GRIA4: variants seen among roughly 807,000 people sequenced by gnomAD.
The protein encoded by GRIA4 is glutamate ionotropic receptor AMPA type subunit 4.
In GRIA4, 34 loss-of-function variants were observed where a neutral mutation model predicts 104.0. The observed-to-expected ratio is 0.33, with a 90% CI of 0.25 to 0.44. The LOEUF (loss-of-function observed/expected upper bound fraction) is 0.44, where lower values mean the gene tolerates loss of function less well. GRIA4 is among the 20% of genes least tolerant of loss of function. The pLI is 1.00. For synonymous variants in GRIA4, 386 were observed against 381.9 expected, an observed-to-expected ratio of 1.01 and a Z score of -0.13; for missense variants, 750 against 1,096.5, an observed-to-expected ratio of 0.68 and a Z score of 4.46.
chr11:105,907,723 A>G (rs2136155398), intron 9 of GRIA4, among the ~76,000 whole-genome samples: 1 of 152,316 alleles, frequency 6.6e-6, no homozygotes, highest in Non-Finnish European at 1.5e-5. Context: ...AGAGCACATT[A>G]TATGCCACAC....
At position 105,708,271 on chromosome 11, in the gene GRIA4, A is replaced by C. The variant is rs142330996; in HGVS notation, c.248-44710A>C. On this transcript the variant is annotated intron_variant, in intron 3 of 16. Coordinates refer to ENST00000282499, the MANE Select transcript of GRIA4 (RefSeq NM_000829.4). ...TATACATTCATCCACTCATCTCTTC[A>C]AAACAAATACCAGAAACAAATGAGA... 5.0e-3 allele frequency among the ~76,000 whole-genome samples: 759 copies of C among 152,244 alleles called. 16 individuals are homozygous for C. The highest frequency in any genetic ancestry group is 0.017 in the African/African-American group (708 of 41,562).
At chr11:105,780,746 T>C (rs1280264864) in intron 4 of GRIA4, among the ~76,000 whole-genome samples, 2 of 152,118 alleles carry the variant, frequency 1.3e-5, no homozygotes, top group Non-Finnish European at 2.9e-5. Context: ...GAAAGAAAAA[T>C]AATCGTAACC....
At chr11:105,868,404 T>C (rs964164163) in intron 5 of GRIA4, among the ~76,000 whole-genome samples, 3 of 152,186 alleles carry the variant, frequency 2.0e-5, no homozygotes, top group Non-Finnish European at 4.4e-5. Context: ...TTTAGTTGTC[T>C]ATCTTTCCTA....
At chr11:105,627,108 G>A (rs935187101) in intron 3 of GRIA4, among the ~76,000 whole-genome samples, 4 of 152,176 alleles carry the variant, frequency 2.6e-5, no homozygotes, top group African/African-American at 9.7e-5. Context: ...CATAGGTGTT[G>A]GGGGGAAATT....
chr11:105,936,417 T>A (rs1196409495), intron 14 of GRIA4, among the ~76,000 whole-genome samples: 1 of 152,138 alleles, frequency 6.6e-6, no homozygotes, highest in African/African-American at 2.4e-5. Flanking sequence ...TTTAATCAGG[T>A]CTTTAGGTTA....
chr11:105,854,443 A>G (rs909636993), intron 4 of GRIA4, among the ~76,000 whole-genome samples: 1 of 152,106 alleles, frequency 6.6e-6, no homozygotes, highest in Non-Finnish European at 1.5e-5. Context: ...AGAGCAAGAG[A>G]GCAGTGGATG....
intron 14 of GRIA4, among the ~76,000 whole-genome samples, chr11:105,961,110 G>A (rs925647969): frequency 6.6e-6 from 1 of 152,170 alleles, no homozygotes; most frequent in Non-Finnish European, 1.5e-5. Context: ...CAGTGAATGA[G>A]AATGCCTGCT....
intron 3 of GRIA4, among the ~76,000 whole-genome samples, chr11:105,637,891 A>C (rs1336597400): frequency 6.6e-6 from 1 of 152,180 alleles, no homozygotes; most frequent in Non-Finnish European, 1.5e-5. Flanking sequence ...ATCACCGATG[A>C]AAAACTGGTT....
chr11:105,952,953 C>T (rs1481028366), intron 14 of GRIA4, among the ~76,000 whole-genome samples: 1 of 152,178 alleles, frequency 6.6e-6, no homozygotes, highest in African/African-American at 2.4e-5. Context: ...TTTCTAAAAA[C>T]TTTTTGCATA....
chr11:105,898,507 T>C, intron 7 of GRIA4, 80 bp downstream of exon 7: 1 of 890,590 alleles, frequency 1.1e-6, no homozygotes, highest in Non-Finnish European at 1.8e-6. Context: ...GTTTTTCCAT[T>C]AACATTTTGC....
intron 3 of GRIA4, among the ~76,000 whole-genome samples, chr11:105,657,825 A>G (rs1325053869): frequency 6.6e-6 from 1 of 152,014 alleles, no homozygotes; most frequent in Non-Finnish European, 1.5e-5. Flanking sequence ...TATAAAAAGA[A>G]AAAATAAGAT....
intron 13 of GRIA4, among the ~76,000 whole-genome samples, chr11:105,932,497 T>C (rs1048610748): frequency 6.6e-6 from 1 of 152,110 alleles, no homozygotes; most frequent in Non-Finnish European, 1.5e-5. Context: ...TTTGGAGACA[T>C]TTCAGTTCAC....
At chr11:105,738,815 T>C (rs1365290152) in intron 3 of GRIA4, among the ~76,000 whole-genome samples, 1 of 151,606 alleles carries the variant, frequency 6.6e-6, no homozygotes, top group Non-Finnish European at 1.5e-5. Context: ...CATTAAAGGA[T>C]CACTTAAAGG....
chr11:105,843,866 T>C (rs1944479599), intron 4 of GRIA4, among the ~76,000 whole-genome samples: 1 of 152,234 alleles, frequency 6.6e-6, no homozygotes, highest in East Asian at 1.9e-4. Context: ...CTCTGGACTT[T>C]ATGTGACCTC....
chr11:105,719,573 A>G (rs1328120814), intron 3 of GRIA4, among the ~76,000 whole-genome samples: 2 of 152,140 alleles, frequency 1.3e-5, no homozygotes, highest in African/African-American at 4.8e-5. Flanking sequence ...CAGTCACTCA[A>G]AGCAGAGCTT....
intron 14 of GRIA4, among the ~76,000 whole-genome samples, chr11:105,969,429 A>G (rs1436303277): frequency 6.6e-6 from 1 of 152,200 alleles, no homozygotes; most frequent in Non-Finnish European, 1.5e-5. Flanking sequence ...TCTTATATTC[A>G]AAGTGTTAAT....
chr11:105,942,755 T>C (rs1350486537), intron 14 of GRIA4, among the ~76,000 whole-genome samples: 1 of 152,128 alleles, frequency 6.6e-6, no homozygotes, highest in African/African-American at 2.4e-5. Flanking sequence ...AATATCCACA[T>C]AGAGTTCAAC....
intron 4 of GRIA4, among the ~76,000 whole-genome samples, chr11:105,807,027 TA>T (rs1942980665): frequency 6.6e-6 from 1 of 151,756 alleles, no homozygotes; most frequent in South Asian, 2.1e-4. Context: ...TAGTAATTCC[TA>T]AAAGAGAAGA....
chr11:105,674,630 C>G (rs1345227324), intron 3 of GRIA4, among the ~76,000 whole-genome samples: 1 of 151,808 alleles, frequency 6.6e-6, no homozygotes, highest in Non-Finnish European at 1.5e-5. Flanking sequence ...GTAAATCTAA[C>G]TATTCTAGCA....
Sources: gnomAD v4.1 joint callset for allele counts (sites outside exome capture counted in the v4.1 genomes callset) on GRCh38, gnomAD v4.1.1 for gene constraint, MANE v1.5 for transcripts, NCBI Gene and HGNC (gene_info 2026-07-23, HGNC 2026-07-21) for gene names.